The following DNAH2 variants were observed in gnomAD, a reference collection of about 807,000 sequenced individuals.
DNAH2 encodes dynein axonemal heavy chain 2, also known as axonemal beta dynein heavy chain 2.
Under a neutral mutation model 523.5 loss-of-function variants are expected in DNAH2, and 323 were observed. The ratio of observed to expected loss-of-function variants is 0.62; its 90% CI spans 0.56 to 0.68. The LOEUF is 0.68. Among genes scored for constraint, DNAH2 ranks in the 30% least tolerant of loss-of-function variants. The pLI is 0.00. For missense variants in DNAH2, 4,907 were observed against 5,701.5 expected, an observed-to-expected ratio of 0.86 and a Z score of 4.49; for synonymous variants, 2,093 against 2,177.4, an observed-to-expected ratio of 0.96 and a Z score of 1.08.
At chr17:7,795,033 T>A (rs1006185645) in intron 49 of DNAH2, among the ~76,000 whole-genome samples, 6 of 151,846 alleles carry the variant, frequency 4.0e-5, no homozygotes, top group Non-Finnish European at 5.9e-5. Context: ...TGGCCTCACT[T>A]TTTTTTTTCC....
chr17:7,750,016 C>A (rs1643942657), intron 12 of DNAH2, among the ~76,000 whole-genome samples: 1 of 151,868 alleles, frequency 6.6e-6, no homozygotes, highest in Admixed American at 6.6e-5. Flanking sequence ...AAAATTACCT[C>A]ATTATTATCG....
In DNAH2 at chr17:7,741,296, TCC is replaced by T. The variant is rs1491277724; in HGVS notation, c.1689+305_1689+306del. Among the ~76,000 whole-genome samples, 251 of 41,824 alleles carry T rather than the reference TCC, an allele frequency of 6.0e-3. 30 individuals carry two copies. The highest frequency in any genetic ancestry group is 0.029 in the African/African-American group (184 of 6,384). The allele number at this position is 41,824 out of a possible 152,430, so 27.4% of individuals were successfully genotyped here. On this transcript the variant is annotated intron_variant, in intron 11 of 85. Transcript: ENST00000572933. ...TTTCTTTCTTTCTTTCTTTCTTTCTTCCTTCCTTCCCTCCCTCCCTCCCTCCC... is the reference window on the plus strand; with the variant it reads ...TTTCTTTCTTTCTTTCTTTCTTTCTTTTCCTTCCCTCCCTCCCTCCCTCCC...
chr17:7,794,480 C>T (rs575940328), intron 49 of DNAH2, 122 bp downstream of exon 49: 10 of 789,402 alleles, frequency 1.3e-5, no homozygotes, highest in Admixed American at 9.8e-5. Context: ...CCACGCAGGA[C>T]GCTGGGACGA....
At chr17:7,723,145 AT>A (rs199685701) in intron 2 of DNAH2, among the ~76,000 whole-genome samples, 8,073 of 144,610 alleles carry the variant, frequency 0.056, 664 homozygotes, top group African/African-American at 0.19. Flanking sequence ...AATTTTTTGT[AT>A]TTTTTAGTAG....
chr17:7,792,258 GTA>G lies in DNAH2; in HGVS notation c.7064_7065del (p.Tyr2355Ter). 1.9e-6 allele frequency: 3 copies of G among 1,614,010 alleles called. No individual in the cohort carries two copies. Among genetic ancestry groups the G allele is most frequent in the Non-Finnish European group, 2.5e-6 (3 of 1,179,978 alleles). ...ACCTACATGCCCTCCTTAGGACACG[GTA>G]TATGAGTATTTTGTGGACCCCAAAA... ...IEGSFPNKDT[V>X]YEYFVDPKIR... On this transcript the variant is annotated frameshift_variant, in exon 46 of 86. Transcript: ENST00000572933. LOFTEE classifies it high-confidence loss of function.
intron 3 of DNAH2, 41 bp from the exon 4 acceptor site, chr17:7,727,081 G>T: frequency 6.7e-7 from 1 of 1,493,930 alleles, no homozygotes; most frequent in Non-Finnish European, 8.9e-7. Flanking sequence ...GACTCATCCT[G>T]GCAGTTGTAG....
At chr17:7,763,417 A>G (rs1296255755) in intron 18 of DNAH2, among the ~76,000 whole-genome samples, 1 of 152,140 alleles carries the variant, frequency 6.6e-6, no homozygotes, top group African/African-American at 2.4e-5. Flanking sequence ...AAGTGCTAGG[A>G]TTACAGGCGT....
Position 7,727,306 on chromosome 17 carries a change from A to G in DNAH2, c.399+14A>G, listed in dbSNP as rs1420201369. On this transcript the variant is annotated intron_variant, in intron 4 of 85. Coordinates refer to ENST00000572933, the MANE Select transcript of DNAH2 (RefSeq NM_020877.5). Reference sequence around the variant, plus strand: ...ATGCCTGTACAGGTGCGTACCCTACATTCCCAGATCAAAGGTGGTCCTACA... The same window carrying G: ...ATGCCTGTACAGGTGCGTACCCTACGTTCCCAGATCAAAGGTGGTCCTACA... 4 of 1,597,674 alleles carry G rather than the reference A, an allele frequency of 2.5e-6. No homozygotes were observed. The African/African-American group carries it at 5.4e-5, about 22-fold the overall frequency.
chr17:7,767,888 T>C lies in DNAH2; in HGVS notation c.3676-12T>C. The C allele has an allele frequency of 1.2e-6, 2 of 1,614,046 alleles. No individual in the cohort carries two copies. Among genetic ancestry groups the C allele is most frequent in the Non-Finnish European group, 1.7e-6 (2 of 1,179,990 alleles). ...GGTGCCACTTCATGCAACGCGCCTT[T>C]CTGCCCTGTAGGAGCTCGATGCCCT... On this transcript the variant is annotated splice_polypyrimidine_tract_variant and intron_variant, in intron 22 of 85. Transcript: ENST00000572933.
intron 44 of DNAH2, among the ~76,000 whole-genome samples, chr17:7,790,162 GC>G (rs1421620550): frequency 6.6e-6 from 1 of 152,218 alleles, no homozygotes; most frequent in Non-Finnish European, 1.5e-5. Flanking sequence ...TCTGTCACGT[GC>G]CCTCTGGGCA....
At chr17:7,759,693 G>A in intron 16 of DNAH2, 83 bp downstream of exon 16, 1 of 1,600,668 alleles carries the variant, frequency 6.2e-7, no homozygotes, top group Non-Finnish European at 8.5e-7. Flanking sequence ...TTGGTCCTTG[G>A]CCTTGACTTT....
chr17:7,788,007 G>A lies in DNAH2; in HGVS notation c.6741+10G>A, dbSNP rs369749733. The A allele has an allele frequency of 6.2e-7, 1 of 1,613,968 alleles. No individual in the cohort carries two copies. Among genetic ancestry groups the A allele is most frequent in the East Asian group, 2.2e-5 (1 of 44,864 alleles). On this transcript the variant is annotated intron_variant, in intron 43 of 85. Transcript: ENST00000572933. ...GGAGAAGAGGCCAAAGGTATGAAGG[G>A]AACTGAGGAGAGGGAAAGTAACCAG...
chr17:7,805,724 C>T (rs1268446244), intron 61 of DNAH2, among the ~76,000 whole-genome samples: 2 of 152,070 alleles, frequency 1.3e-5, no homozygotes, highest in African/African-American at 4.8e-5. Flanking sequence ...CATGATGGTG[C>T]ATGCCTGTAG....
intron 56 of DNAH2, among the ~76,000 whole-genome samples, chr17:7,799,828 C>A (rs1290226154): frequency 6.6e-6 from 1 of 152,148 alleles, no homozygotes; most frequent in Non-Finnish European, 1.5e-5. Context: ...AAAATACACA[C>A]ACACACACAC....
chr17:7,730,390 A>C (rs1328047569), intron 4 of DNAH2, among the ~76,000 whole-genome samples: 2 of 152,232 alleles, frequency 1.3e-5, no homozygotes, highest in African/African-American at 4.8e-5. Flanking sequence ...ACTAACATAG[A>C]TGATCTTGTA....
At chr17:7,783,936 A>G (rs2076670114) in intron 39 of DNAH2, among the ~76,000 whole-genome samples, 1 of 152,222 alleles carries the variant, frequency 6.6e-6, no homozygotes, top group Non-Finnish European at 1.5e-5. Context: ...TATAATGTTT[A>G]CAAGAGACCC....
rs747736473 is a variant in DNAH2, at chr17:7,798,164, G to A, written c.8238G>A (p.Arg2746=). ...LFREAIEHIT[R]IVRVIGQPRG... is the part of the protein sequence containing the mutation. The stretch of plus-strand genomic sequence containing the variant: ...CACCCACCCCACCCCCAGTCACACG[G>A]ATCGTGCGGGTCATTGGACAGCCTC... The change falls in exon 54 of 86, where the codon CGG becomes CGA. Residue 2746 remains arginine, a synonymous_variant. Transcript: ENST00000572933. This position sits in a 1 kb window ranked among gnomAD's most constrained non-coding sequence, Gnocchi z 5.5. 4.4e-6 allele frequency: 7 copies of A among 1,593,018 alleles called. No homozygotes were observed. The South Asian group carries it at 5.6e-5, about 13-fold the overall frequency.
In DNAH2 at chr17:7,778,421, G is replaced by A. The variant is rs1367832280; in HGVS notation, c.5493G>A (p.Glu1831=). ...GIYVIVVNCS[E]GLDYKSMGRM... is the part of the protein sequence containing the mutation. Reference sequence around the variant, plus strand: ...ATGTCATTGTGGTCAACTGCTCTGAGGGCCTGGACTACAAGTCCATGGGCC... The same window carrying A: ...ATGTCATTGTGGTCAACTGCTCTGAAGGCCTGGACTACAAGTCCATGGGCC... The change falls in exon 35 of 86, where the codon GAG becomes GAA. Residue 1831 remains glutamate, a synonymous_variant. Transcript: ENST00000572933. The A allele has an allele frequency of 1.9e-6, 3 of 1,614,074 alleles. No homozygotes were observed. Among genetic ancestry groups the A allele is most frequent in the Admixed American group, 3.3e-5 (2 of 60,008 alleles).
chr17:7,800,933 T>C (rs1021091414), intron 56 of DNAH2, among the ~76,000 whole-genome samples: 10 of 149,974 alleles, frequency 6.7e-5, no homozygotes, highest in South Asian at 2.1e-4. Flanking sequence ...AGTGCAGTGG[T>C]GCCATGTTGG....
Sources: allele counts gnomAD v4.1 joint callset (sites outside exome capture counted in the v4.1 genomes callset), GRCh38; gene constraint gnomAD v4.1.1; non-coding constraint Gnocchi (gnomAD v3.1); transcripts MANE v1.5; gene names NCBI Gene and HGNC (gene_info 2026-07-23, HGNC 2026-07-21).